Variants in OXTR observed in about 807,000 individuals in gnomAD.
The protein encoded by OXTR is oxytocin receptor.
OXTR carries 19 observed loss-of-function variants against 23.9 expected under a neutral mutation model. The observed-to-expected ratio is 0.80, with a 90% CI of 0.56 to 1.17. The LOEUF is 1.17. OXTR is among the 50% of genes most tolerant of loss of function. The probability of loss-of-function intolerance (pLI) is 0.00; values close to 1 mark genes in which losing one functional copy is unlikely to be tolerated. For synonymous variants in OXTR, 278 were observed against 250.5 expected, an observed-to-expected ratio of 1.11 and a Z score of -1.04; for missense variants, 500 against 550.7, an observed-to-expected ratio of 0.91 and a Z score of 0.92.
At chr3:8,764,452 G>A (rs1559676532) in intron 3 of OXTR, among the ~76,000 whole-genome samples, 1 of 152,178 alleles carries the variant, frequency 6.6e-6, no homozygotes, top group Non-Finnish European at 1.5e-5. Flanking sequence ...GGAAAGTGGG[G>A]CTGTGCATTA....
At chr3:8,747,927 G>T (rs1264599995), downstream of OXTR, among the ~76,000 whole-genome samples, 2 of 152,210 alleles carry the variant, frequency 1.3e-5, no homozygotes, top group East Asian at 3.8e-4. Context: ...ACTATGGTCG[G>T]TGCTTAATTA....
intron 3 of OXTR, among the ~76,000 whole-genome samples, chr3:8,757,869 T>C (rs1387300465): frequency 6.6e-6 from 1 of 152,058 alleles, no homozygotes; most frequent in African/African-American, 2.4e-5. Flanking sequence ...ATGCACTGAG[T>C]AGGTGCGAGG....
At chr3:8,762,164 G>A (rs1708500439) in intron 3 of OXTR, among the ~76,000 whole-genome samples, 1 of 152,124 alleles carries the variant, frequency 6.6e-6, no homozygotes, top group South Asian at 2.1e-4. Flanking sequence ...CAGGGCACCT[G>A]CTAATCTCCT....
At position 8,751,523 on chromosome 3, in the gene OXTR, T is replaced by C. The variant is rs1416701913; in HGVS notation, c.*1454A>G. 6.6e-6 allele frequency: 1 copy of C among 152,216 alleles called. No individual in the cohort carries two copies. Among genetic ancestry groups the C allele is most frequent in the Non-Finnish European group, 1.5e-5 (1 of 68,042 alleles). The allele number at this position is 152,216 out of a possible 1,614,324, so 9.4% of individuals were successfully genotyped here. A position where few individuals can be genotyped will look rare whatever the true frequency, so the allele number is the denominator to read the frequency against. Reference sequence around the variant, plus strand: ...AGATTTTATAGTTTCAGCTCTTATATTTAGATCTTGGATGCGTTTTGAGTT... The same window carrying C: ...AGATTTTATAGTTTCAGCTCTTATACTTAGATCTTGGATGCGTTTTGAGTT... On this transcript the variant is annotated 3_prime_UTR_variant, in exon 4 of 4. Coordinates refer to ENST00000316793, the MANE Select transcript of OXTR (RefSeq NM_000916.4).
the OXTR span, among the ~76,000 whole-genome samples, chr3:8,742,279 G>C: frequency 6.7e-6 from 1 of 149,328 alleles, no homozygotes; most frequent in African/African-American, 2.5e-5. Flanking sequence ...ACAGAAAATA[G>C]AGCACTTGCC....
At chr3:8,757,964 G>C (rs1370168712) in intron 3 of OXTR, among the ~76,000 whole-genome samples, 1 of 152,164 alleles carries the variant, frequency 6.6e-6, no homozygotes, top group Non-Finnish European at 1.5e-5. Context: ...ATATTGAACA[G>C]GGGGTAAAGC....
intron 3 of OXTR, among the ~76,000 whole-genome samples, chr3:8,760,964 A>G (rs1444229946): frequency 6.6e-6 from 1 of 152,208 alleles, no homozygotes; most frequent in East Asian, 1.9e-4. Flanking sequence ...TTTGCCCCTT[A>G]GTGAACTTTT....
At chr3:8,761,849 G>A (rs1366702664) in intron 3 of OXTR, among the ~76,000 whole-genome samples, 1 of 152,210 alleles carries the variant, frequency 6.6e-6, no homozygotes, top group Non-Finnish European at 1.5e-5. Context: ...GAATGGCAGA[G>A]GTCCAGAGGC....
chr3:8,751,235 C>T lies in OXTR; in HGVS notation c.*1742G>A, dbSNP rs1708251017. 1.3e-5 allele frequency: 2 copies of T among 152,198 alleles called. No homozygotes were observed. The highest frequency in any genetic ancestry group is 6.8e-3 in the Middle Eastern group (2 of 294). 9.4% of individuals were successfully genotyped at this position (152,198 alleles called of 1,614,324 possible). On this transcript the variant is annotated 3_prime_UTR_variant, in exon 4 of 4. Coordinates refer to ENST00000316793, the MANE Select transcript of OXTR (RefSeq NM_000916.4). ...CCATTTTTTAAATTGATTTATTTTT[C>T]TCCTTATTGTTGTGTTATAAGAGTT...
rs1384523315 is a variant in OXTR at position 8,767,397 on chromosome 3, T to C, written c.791A>G (p.Lys264Arg). 1.6e-5 allele frequency: 26 copies of C among 1,612,228 alleles called. No homozygotes were observed. The highest frequency in any genetic ancestry group is 3.3e-5 in the Admixed American group (2 of 59,896). The change falls in exon 3 of 4, where the codon AAG (lysine) becomes AGG (arginine). Residue 264 changes from lysine to arginine, a missense_variant. Transcript: ENST00000316793. ...RVALARVSSV[K>R]LISKAKIRTV... ...GCGGATCTTGGCCTTGGAGATGAGC[T>C]TGACGCTGCTGACACGCGCCAGGGC...
the OXTR span, chr3:8,742,372 A>AAAAG: frequency 5.8e-5 from 20 of 345,868 alleles, no homozygotes; most frequent in South Asian, 1.1e-4. Flanking sequence ...AAAAAAAAAA[A>AAAAG]AAGAAGAAGA....
chr3:8,768,579 T>C lies in OXTR; in HGVS notation c.-226A>G, dbSNP rs185381654. ...CCAGCGTGCCAGTTCCTCGGGATGTTCAGCGGCTTCCACTGGGGGAGAAGG... is the reference window on the plus strand; with the variant it reads ...CCAGCGTGCCAGTTCCTCGGGATGTCCAGCGGCTTCCACTGGGGGAGAAGG... On this transcript the variant is annotated 5_prime_UTR_variant, in exon 2 of 4. Coordinates refer to ENST00000316793, the MANE Select transcript of OXTR (RefSeq NM_000916.4). This position sits in a 1 kb window ranked among gnomAD's most constrained non-coding sequence, Gnocchi z 5.4. 5.7e-6 allele frequency: 1 copy of C among 176,394 alleles called. No homozygotes were observed. The highest frequency in any genetic ancestry group is 1.5e-4 in the East Asian group (1 of 6,594). The allele number at this position is 176,394 out of a possible 1,614,324, so 10.9% of individuals were successfully genotyped here.
chr3:8,755,012 T>C (rs1708344892), intron 3 of OXTR, among the ~76,000 whole-genome samples: 1 of 152,028 alleles, frequency 6.6e-6, no homozygotes, highest in Non-Finnish European at 1.5e-5. Context: ...ATTCACTGGT[T>C]TTAACAAAAA....
Position 8,767,396 on chromosome 3 carries a change from C to T in OXTR, c.792G>A (p.Lys264=). The change falls in exon 3 of 4, where the codon AAG becomes AAA. Residue 264 remains lysine, a synonymous_variant. Coordinates refer to ENST00000316793, the MANE Select transcript of OXTR (RefSeq NM_000916.4). ...TGCGGATCTTGGCCTTGGAGATGAG[C>T]TTGACGCTGCTGACACGCGCCAGGG... ...RVALARVSSV[K]LISKAKIRTV... 1 of 1,612,294 alleles carries T rather than the reference C, an allele frequency of 6.2e-7. No homozygotes were observed. Among genetic ancestry groups the T allele is most frequent in the East Asian group, 2.2e-5 (1 of 44,784 alleles).
the OXTR span, among the ~76,000 whole-genome samples, chr3:8,743,430 A>G: frequency 6.6e-6 from 1 of 152,080 alleles, no homozygotes; most frequent in African/African-American, 2.4e-5. Context: ...GCCCTCCAAG[A>G]AGAAGTAACA....
At chr3:8,749,364 AG>A (rs1708217471), downstream of OXTR, among the ~76,000 whole-genome samples, 1 of 152,190 alleles carries the variant, frequency 6.6e-6, no homozygotes, top group Non-Finnish European at 1.5e-5. Flanking sequence ...TTATAACTCC[AG>A]GGTTCCCAGG....
chr3:8,745,528 G>A (rs753959620), downstream of OXTR: 1 of 1,613,912 alleles, frequency 6.2e-7, no homozygotes, highest in Middle Eastern at 1.7e-4. This position sits in a 1 kb window ranked among gnomAD's most constrained non-coding sequence, Gnocchi z 4.8. Flanking sequence ...CCCTGCAGGT[G>A]GATTTTGAAG....
At chr3:8,763,185 C>G (rs1403247362) in intron 3 of OXTR, among the ~76,000 whole-genome samples, 1 of 152,176 alleles carries the variant, frequency 6.6e-6, no homozygotes, top group Admixed American at 6.5e-5. Flanking sequence ...TCCCCGGACA[C>G]ATCACCTGCT....
At chr3:8,763,431 A>G (rs1708533418) in intron 3 of OXTR, among the ~76,000 whole-genome samples, 1 of 151,958 alleles carries the variant, frequency 6.6e-6, no homozygotes, top group Non-Finnish European at 1.5e-5. Flanking sequence ...AGAGACAGAG[A>G]CCCCAAATCC....
Sources: gnomAD v4.1 joint callset for allele counts (sites outside exome capture counted in the v4.1 genomes callset) on GRCh38, gnomAD v4.1.1 for gene constraint, Gnocchi (gnomAD v3.1) non-coding constraint, MANE v1.5 for transcripts, NCBI Gene and HGNC (gene_info 2026-07-23, HGNC 2026-07-21) for gene names.